Variants in PPM1L observed in about 807,000 individuals in gnomAD.
PPM1L encodes the protein protein phosphatase 1L.
Under a neutral mutation model 31.4 loss-of-function variants are expected in PPM1L, and 13 were observed. The observed-to-expected ratio is 0.41, with a 90% CI of 0.27 to 0.66. The LOEUF (loss-of-function observed/expected upper bound fraction) is 0.66, where lower values mean the gene tolerates loss of function less well. Ranked by LOEUF, PPM1L falls within the 30% of genes least tolerant of loss-of-function variation. The pLI is 0.29. For synonymous variants in PPM1L, 184 were observed against 175.4 expected (o/e 1.05, Z -0.39); for missense variants, 326 against 453.7 (o/e 0.72, Z 2.56).
At chr3:161,027,150 C>G (rs1053939371) in intron 2 of PPM1L, among the ~76,000 whole-genome samples, 7 of 152,192 alleles carry the variant, frequency 4.6e-5, no homozygotes, top group African/African-American at 1.7e-4. Context: ...ATTGTAAATG[C>G]TTAGCAGCTA....
In PPM1L at chr3:160,868,392, C is replaced by CG. The variant is rs1712168744; in HGVS notation, c.400-93339dup. Among the ~76,000 whole-genome samples, 5 of 152,250 alleles carry CG rather than the reference C, an allele frequency of 3.3e-5. No homozygotes were observed. In the South Asian group the frequency reaches 1.0e-3, roughly 32 times the overall value. On this transcript the variant is annotated intron_variant, in intron 1 of 3. Transcript: ENST00000498165. Reference sequence around the variant, plus strand: ...AGGCACCCTGCCAAGACTTCGGTGTCGGGGGAACTAGAGAATTAGGGTAAA... The same window carrying CG: ...AGGCACCCTGCCAAGACTTCGGTGTCGGGGGGAACTAGAGAATTAGGGTAAA...
chr3:160,774,098 A>G (rs1343049933), intron 1 of PPM1L, among the ~76,000 whole-genome samples: 1 of 152,136 alleles, frequency 6.6e-6, no homozygotes. Context: ...TGGATGTCAC[A>G]TTGATAACAA....
chr3:161,069,075 A>C lies in PPM1L; in HGVS notation c.1001A>C (p.Gln334Pro), dbSNP rs1330279240. ...TTTGGGGCCAAGAGCATAGTTTTACAGTCATTTTACAGAGGCTGCCCTGAC... is the reference window on the plus strand; with the variant it reads ...TTTGGGGCCAAGAGCATAGTTTTACCGTCATTTTACAGAGGCTGCCCTGAC... ...PHFGAKSIVLQSFYRGCPDNI... is the reference protein window; with the variant it reads ...PHFGAKSIVLPSFYRGCPDNI... Residue 334 changes from glutamine to proline, a missense_variant, in exon 4 of 4, where the codon CAG (glutamine) becomes CCG (proline). By Grantham distance (76) the Gln-to-Pro change is moderately conservative (BLOSUM62 -1). Around this residue, in one of 3 missense-constraint regions of PPM1L, gnomAD observed 201 missense variants for 298.2 expected, o/e 0.67. Coordinates refer to ENST00000498165, the MANE Select transcript of PPM1L (RefSeq NM_139245.4). The C allele has an allele frequency of 6.2e-7, 1 of 1,614,086 alleles. No homozygotes were observed. Among genetic ancestry groups the C allele is most frequent in the African/African-American group, 1.3e-5 (1 of 74,940 alleles).
intron 1 of PPM1L, among the ~76,000 whole-genome samples, chr3:160,920,827 T>A (rs932388339): frequency 3.9e-5 from 6 of 152,090 alleles, no homozygotes; most frequent in Admixed American, 1.3e-4. Flanking sequence ...CATGATCCAA[T>A]TGTAGTGTGA....
rs531511820 is a variant in PPM1L, at chr3:160,836,568, T to TG, written c.399+79862dup. ...GACTCACAGATACAGAGAAAGTAAATGAGTTGCCTAAAGTTACGTGATTTA... is the reference window on the plus strand; with the variant it reads ...GACTCACAGATACAGAGAAAGTAAATGGAGTTGCCTAAAGTTACGTGATTTA... On this transcript the variant is annotated intron_variant, in intron 1 of 3. Coordinates refer to ENST00000498165, the MANE Select transcript of PPM1L (RefSeq NM_139245.4). Among the ~76,000 whole-genome samples, 56 of 152,364 alleles carry TG rather than the reference T, an allele frequency of 3.7e-4. 1 individual carries two copies. The highest frequency in any genetic ancestry group is 2.3e-3 in the East Asian group (12 of 5,192).
chr3:160,832,199 G>C (rs966211700), intron 1 of PPM1L, among the ~76,000 whole-genome samples: 1 of 152,162 alleles, frequency 6.6e-6, no homozygotes, highest in African/African-American at 2.4e-5. Flanking sequence ...TTTACTCCCT[G>C]AGTGGATACA....
Position 161,011,370 on chromosome 3 carries a change from G to C in PPM1L, c.574+49460G>C, listed in dbSNP as rs531155839. Among the ~76,000 whole-genome samples, 59 of 152,232 alleles carry C rather than the reference G, an allele frequency of 3.9e-4. 1 individual carries two copies. In the South Asian group the frequency reaches 0.01, roughly 27 times the overall value. Reference sequence around the variant, plus strand: ...CTGAGAGCTCTATTCTGTTCCATTGGTCTATATCTCTCTTTTGGTACCAAT... The same window carrying C: ...CTGAGAGCTCTATTCTGTTCCATTGCTCTATATCTCTCTTTTGGTACCAAT... On this transcript the variant is annotated intron_variant, in intron 2 of 3. Coordinates refer to ENST00000498165, the MANE Select transcript of PPM1L (RefSeq NM_139245.4).
At chr3:160,828,687 A>G (rs1713424747) in intron 1 of PPM1L, among the ~76,000 whole-genome samples, 1 of 151,994 alleles carries the variant, frequency 6.6e-6, no homozygotes, top group Admixed American at 6.6e-5. Context: ...TACCACCCAT[A>G]TGTTCTGCCC....
Position 160,867,059 on chromosome 3 carries a change from TG to T in PPM1L, c.400-94676del, listed in dbSNP as rs533422294. ...CTCACTATCTTGCCCAGTCTGGTTT[TG>T]AACTCCTTGGCTCAAGTGGTATACC... On this transcript the variant is annotated intron_variant, in intron 1 of 3. Coordinates refer to ENST00000498165, the MANE Select transcript of PPM1L (RefSeq NM_139245.4). Among the ~76,000 whole-genome samples, 645 of 152,286 alleles carry T rather than the reference TG, an allele frequency of 4.2e-3. 6 individuals are homozygous for T. Among genetic ancestry groups the T allele is most frequent in the African/African-American group, 0.015 (615 of 41,564 alleles).
At chr3:160,784,830 C>CTTTATTAAAT (rs1560106307) in intron 1 of PPM1L, among the ~76,000 whole-genome samples, 22 of 152,220 alleles carry the variant, frequency 1.4e-4, no homozygotes, top group Non-Finnish European at 2.8e-4. Context: ...TTATTTGTCC[C>CTTTATTAAAT]AGATAAACCT....
Position 161,071,513 on chromosome 3 carries a change from T to A in PPM1L, c.*2356T>A, listed in dbSNP as rs1046805388. 2.0e-5 allele frequency: 3 copies of A among 152,230 alleles called. No individual in the cohort carries two copies. The highest frequency in any genetic ancestry group is 4.4e-5 in the Non-Finnish European group (3 of 68,046). The allele number at this position is 152,230 out of a possible 1,614,324, so 9.4% of individuals were successfully genotyped here. A position where few individuals can be genotyped will look rare whatever the true frequency, so the allele number is the denominator to read the frequency against. Reference sequence around the variant, plus strand: ...TAATTGAGGTTCACAAGGCGTCTTCTAAATTTTGCTTTGTACAATTAATTC... The same window carrying A: ...TAATTGAGGTTCACAAGGCGTCTTCAAAATTTTGCTTTGTACAATTAATTC... On this transcript the variant is annotated 3_prime_UTR_variant, in exon 4 of 4. Coordinates refer to ENST00000498165, the MANE Select transcript of PPM1L (RefSeq NM_139245.4).
chr3:160,954,004 A>T (rs952609907), intron 1 of PPM1L, among the ~76,000 whole-genome samples: 1 of 152,204 alleles, frequency 6.6e-6, no homozygotes. Flanking sequence ...AAGTGACCAC[A>T]GTACGCATTG....
At position 161,073,624 on chromosome 3, in the gene PPM1L, C is replaced by T. The variant is rs1720006805; in HGVS notation, c.*4467C>T. On this transcript the variant is annotated 3_prime_UTR_variant, in exon 4 of 4. Coordinates refer to ENST00000498165, the MANE Select transcript of PPM1L (RefSeq NM_139245.4). ...TCACCCAGGCTGGAATGCCGTGGCG[C>T]AATGTCAGGTCACTGCAAGCTCCGC... is the stretch of plus-strand genomic sequence containing the variant. The T allele has an allele frequency of 6.6e-6, 1 of 151,968 alleles. No homozygotes were observed. The highest frequency in any genetic ancestry group is 1.5e-5 in the Non-Finnish European group (1 of 68,024). The allele number at this position is 151,968 out of a possible 1,614,324, so 9.4% of individuals were successfully genotyped here.
chr3:160,857,937 C>G (rs562490615), intron 1 of PPM1L, among the ~76,000 whole-genome samples: 10 of 152,248 alleles, frequency 6.6e-5, no homozygotes, highest in African/African-American at 2.4e-4. Flanking sequence ...GGTGTGGAAG[C>G]CTTTTGCAGT....
At chr3:160,972,328 T>G (rs1040985015) in intron 2 of PPM1L, among the ~76,000 whole-genome samples, 1 of 151,780 alleles carries the variant, frequency 6.6e-6, no homozygotes, top group African/African-American at 2.4e-5. Context: ...TAGGTATATC[T>G]CCTAATGCTA....
intron 2 of PPM1L, among the ~76,000 whole-genome samples, chr3:160,996,267 G>T (rs371940805): frequency 2.0e-5 from 3 of 152,162 alleles, no homozygotes; most frequent in Non-Finnish European, 4.4e-5. Flanking sequence ...GCTACCATTC[G>T]ATCCAGCAAT....
chr3:161,018,060 G>C (rs1576786343), intron 2 of PPM1L, among the ~76,000 whole-genome samples: 1 of 152,006 alleles, frequency 6.6e-6, no homozygotes, highest in East Asian at 1.9e-4. Context: ...AAAAAGAATG[G>C]GGTATACATC....
intron 1 of PPM1L, among the ~76,000 whole-genome samples, chr3:160,929,700 T>C (rs1309602870): frequency 6.6e-6 from 1 of 152,180 alleles, no homozygotes; most frequent in Non-Finnish European, 1.5e-5. Context: ...CCATAAATGC[T>C]CCATTGTGAG....
intron 2 of PPM1L, among the ~76,000 whole-genome samples, chr3:160,985,970 C>G (rs1210071753): frequency 1.7e-5 from 1 of 59,328 alleles, no homozygotes; most frequent in Non-Finnish European, 3.9e-5. Context: ...AGGGAACACT[C>G]TCCACCCACC....
Sources: gnomAD v4.1 joint callset for allele counts (sites outside exome capture counted in the v4.1 genomes callset) on GRCh38, gnomAD v4.1.1 for gene constraint, gnomAD v4.1.1 regional missense constraint, MANE v1.5 for transcripts, NCBI Gene and HGNC (gene_info 2026-07-23, HGNC 2026-07-21) for gene names.